The following MAPT variants were observed in gnomAD, a reference collection of about 807,000 sequenced individuals.
The protein encoded by MAPT is microtubule-associated protein tau.
Under a neutral mutation model 67.9 loss-of-function variants are expected in MAPT, and 34 were observed. The observed-to-expected ratio is 0.50, with a 90% CI of 0.38 to 0.67. The LOEUF is 0.67. Ranked by LOEUF, MAPT falls within the 30% of genes least tolerant of loss-of-function variation. The pLI is 0.00. For synonymous variants in MAPT, 456 were observed against 464.5 expected (o/e 0.98, Z 0.23); for missense variants, 881 against 1,115.2 (o/e 0.79, Z 2.99).
chr17:46,015,953 G>A (rs62062274), intron 11 of MAPT, among the ~76,000 whole-genome samples: 21,793 of 152,152 alleles, frequency 0.14, 2,131 homozygotes, highest in Non-Finnish European at 0.22. Context: ...CTGTCCACAG[G>A]GCCTCTCAGA....
At chr17:45,950,500 T>G (rs1159145522) in intron 1 of MAPT, among the ~76,000 whole-genome samples, 1 of 152,060 alleles carries the variant, frequency 6.6e-6, no homozygotes, top group African/African-American at 2.4e-5. Context: ...AGGAAGAAGG[T>G]GAAGGTTGTC....
rs1359119338 is a variant in MAPT at position 45,896,762 on chromosome 17, A to C, written c.-18+2076A>C. 6.6e-6 allele frequency: 1 copy of C among 152,194 alleles called. No individual in the cohort carries two copies. The highest frequency in any genetic ancestry group is 2.4e-5 in the African/African-American group (1 of 41,424). The allele number at this position is 152,194 out of a possible 1,614,324, so 9.4% of individuals were successfully genotyped here. On this transcript the variant is annotated intron_variant, in intron 1 of 12. Transcript: ENST00000262410. The surrounding 1 kb of genome is among the most constrained non-coding windows in gnomAD (Gnocchi z 5.6). ...ATGTCCGTACTGATTAATATTATTTATCTTAAATAAATTTCACCCGTGTCC... is the reference window on the plus strand; with the variant it reads ...ATGTCCGTACTGATTAATATTATTTCTCTTAAATAAATTTCACCCGTGTCC...
intron 12 of MAPT, among the ~76,000 whole-genome samples, chr17:46,021,827 G>GCC (rs2076546481): frequency 6.6e-6 from 1 of 152,088 alleles, no homozygotes; most frequent in African/African-American, 2.4e-5. Flanking sequence ...GCAGGGCCCT[G>GCC]CCCCCTACTC....
At chr17:45,912,095 G>A (rs1249946211) in intron 1 of MAPT, among the ~76,000 whole-genome samples, 1 of 152,190 alleles carries the variant, frequency 6.6e-6, no homozygotes, top group Non-Finnish European at 1.5e-5. Context: ...CACAAGGAAG[G>A]GTGGTGCCAG....
intron 9 of MAPT, among the ~76,000 whole-genome samples, chr17:45,997,933 C>T (rs967875842): frequency 1.3e-5 from 2 of 152,096 alleles, no homozygotes; most frequent in African/African-American, 4.8e-5. Context: ...TTTGCGGGGA[C>T]CACAATTCAG....
At chr17:45,964,099 G>A (rs2070760136) in intron 2 of MAPT, among the ~76,000 whole-genome samples, 1 of 152,132 alleles carries the variant, frequency 6.6e-6, no homozygotes, top group Non-Finnish European at 1.5e-5. Context: ...ATGGAAATGT[G>A]CTTTCTGACT....
intron 12 of MAPT, 95 bp from the exon 13 acceptor site, chr17:46,023,861 C>T (rs2146221769): frequency 9.7e-7 from 1 of 1,027,566 alleles, no homozygotes; most frequent in East Asian, 2.4e-5. Flanking sequence ...AAAAAACAGT[C>T]CCTGGCACTC....
At chr17:46,002,774 G>A (rs966619033) in intron 9 of MAPT, among the ~76,000 whole-genome samples, 2 of 152,134 alleles carry the variant, frequency 1.3e-5, no homozygotes, top group Non-Finnish European at 2.9e-5. Flanking sequence ...TTCCTTCCCT[G>A]TGTGTATTGA....
intron 3 of MAPT, chr17:45,974,388 T>C (rs774890160): frequency 6.3e-7 from 1 of 1,596,918 alleles, no homozygotes; most frequent in Non-Finnish European, 8.5e-7. Context: ...TTTCTAGATG[T>C]GACAGCACCC....
At chr17:45,988,302 G>A (rs1170845493) in intron 6 of MAPT, among the ~76,000 whole-genome samples, 1 of 152,238 alleles carries the variant, frequency 6.6e-6, no homozygotes, top group Non-Finnish European at 1.5e-5. Flanking sequence ...TGAAGTCTGG[G>A]ACAGGACCCT....
At chr17:45,959,010 C>T (rs1181679832) in intron 1 of MAPT, among the ~76,000 whole-genome samples, 1 of 152,194 alleles carries the variant, frequency 6.6e-6, no homozygotes, top group Non-Finnish European at 1.5e-5. Context: ...TTGCAGTAAG[C>T]TGAGATCGTA....
At chr17:45,912,543 A>G (rs78209533) in intron 1 of MAPT, among the ~76,000 whole-genome samples, 21,847 of 152,254 alleles carry the variant, frequency 0.14, 2,144 homozygotes, top group Middle Eastern at 0.22. Flanking sequence ...CCAGGAACCA[A>G]TTCTCTCTTG....
intron 12 of MAPT, among the ~76,000 whole-genome samples, chr17:46,021,940 C>G (rs2076552835): frequency 6.6e-6 from 1 of 152,230 alleles, no homozygotes; most frequent in African/African-American, 2.4e-5. Flanking sequence ...CACCACCAGC[C>G]TCCTGGGTTC....
rs572750965 is a variant in MAPT, at chr17:45,917,210, A to C, written c.-18+22524A>C. On this transcript the variant is annotated intron_variant, in intron 1 of 12. Coordinates refer to ENST00000262410, the MANE Select transcript of MAPT (RefSeq NM_001377265.1). Reference sequence around the variant, plus strand: ...CAGTGTCTTTGCTTCAGTGTCTTTGATAAACCATTCTGCTTTGCAGAGTGC... The same window carrying C: ...CAGTGTCTTTGCTTCAGTGTCTTTGCTAAACCATTCTGCTTTGCAGAGTGC... Among the ~76,000 whole-genome samples the C allele has an allele frequency of 1.2e-3, 183 of 152,322 alleles. 1 individual carries two copies. Among genetic ancestry groups the C allele is most frequent in the Middle Eastern group, 6.8e-3 (2 of 294 alleles).
chr17:45,940,153 A>G (rs1204732997), intron 1 of MAPT, among the ~76,000 whole-genome samples: 2 of 152,226 alleles, frequency 1.3e-5, no homozygotes, highest in Admixed American at 6.5e-5. Context: ...TTCTAAGTAA[A>G]CAGAGAACTG....
At chr17:45,905,591 C>T (rs2064250841) in intron 1 of MAPT, among the ~76,000 whole-genome samples, 1 of 152,122 alleles carries the variant, frequency 6.6e-6, no homozygotes, top group Non-Finnish European at 1.5e-5. Flanking sequence ...TCGTTTGTTA[C>T]CAGTAAGACT....
chr17:45,943,064 C>CT (rs1232957568), intron 1 of MAPT, among the ~76,000 whole-genome samples: 1 of 152,100 alleles, frequency 6.6e-6, no homozygotes, highest in East Asian at 1.9e-4. Context: ...TGGCACTTCT[C>CT]TTTTTTTGAG....
intron 1 of MAPT, among the ~76,000 whole-genome samples, chr17:45,938,889 C>T (rs1044171887): frequency 6.6e-6 from 1 of 150,420 alleles, no homozygotes; most frequent in Non-Finnish European, 1.5e-5. Flanking sequence ...TCTCAGCTCA[C>T]AGCAACCTCC....
chr17:45,973,667 G>T (rs1193811660), intron 3 of MAPT: 1 of 152,294 alleles, frequency 6.6e-6, no homozygotes, highest in Non-Finnish European at 1.5e-5. Context: ...AGTGTGCCAG[G>T]GCATTGCTCG....
Sources: allele counts gnomAD v4.1 joint callset (sites outside exome capture counted in the v4.1 genomes callset), GRCh38; gene constraint gnomAD v4.1.1; non-coding constraint Gnocchi (gnomAD v3.1); transcripts MANE v1.5; gene names NCBI Gene and HGNC (gene_info 2026-07-23, HGNC 2026-07-21).